GALNTL6: variants seen among roughly 807,000 people sequenced by gnomAD.
GALNTL6 encodes the protein polypeptide N-acetylgalactosaminyltransferase like 6, also known as polypeptide N-acetylgalactosaminyltransferase-like 6.
In GALNTL6, 46 loss-of-function variants were observed where a neutral mutation model predicts 73.7. The ratio of observed to expected loss-of-function variants is 0.62; its 90% confidence interval spans 0.49 to 0.80. GALNTL6 has a LOEUF of 0.80. Ranked by LOEUF, GALNTL6 falls within the 30% of genes least tolerant of loss-of-function variation. The pLI, the probability that GALNTL6 is intolerant of heterozygous loss-of-function variation, is 0.00. For synonymous variants in GALNTL6, 259 were observed against 263.7 expected (o/e 0.98, Z 0.17); for missense variants, 604 against 755.0 (o/e 0.80, Z 2.34).
At chr4:171,916,252 T>C (rs917786677) in intron 2 of GALNTL6, among the ~76,000 whole-genome samples, 2 of 152,010 alleles carry the variant, frequency 1.3e-5, no homozygotes, top group Non-Finnish European at 2.9e-5. Flanking sequence ...AGAAAAGAGA[T>C]GCTGAAAAAA....
At chr4:172,098,523 A>G (rs1426309178) in intron 2 of GALNTL6, among the ~76,000 whole-genome samples, 3 of 152,118 alleles carry the variant, frequency 2.0e-5, no homozygotes, top group Admixed American at 2.0e-4. Flanking sequence ...TTTATCTGAT[A>G]TGAGTTCTCT....
intron 2 of GALNTL6, among the ~76,000 whole-genome samples, chr4:172,119,346 A>T (rs1422451257): frequency 1.3e-5 from 2 of 152,158 alleles, no homozygotes; most frequent in Non-Finnish European, 2.9e-5. Context: ...ATTCTAACAC[A>T]TTTGAAAAAA....
At chr4:172,064,484 T>C (rs1579102302) in intron 2 of GALNTL6, among the ~76,000 whole-genome samples, 1 of 152,342 alleles carries the variant, frequency 6.6e-6, no homozygotes, top group East Asian at 1.9e-4. Context: ...TGTGTCACAC[T>C]TCTGAGACGT....
intron 9 of GALNTL6, among the ~76,000 whole-genome samples, 171 bp from the exon 10 acceptor site, chr4:172,951,866 A>G (rs1749459307): frequency 6.6e-6 from 1 of 152,240 alleles, no homozygotes; most frequent in South Asian, 2.1e-4. Flanking sequence ...CAGGCTAATT[A>G]TATCATACCC....
intron 5 of GALNTL6, among the ~76,000 whole-genome samples, chr4:172,534,850 GC>G (rs1735289887): frequency 6.6e-6 from 1 of 152,160 alleles, no homozygotes; most frequent in African/African-American, 2.4e-5. Flanking sequence ...ACAGGCGTGA[GC>G]CACCGTGCCT....
chr4:171,864,028 C>T lies in GALNTL6; in HGVS notation c.138+49310C>T, dbSNP rs147257095. ...CCACCTGCCTCGGCCTCCCAAAGTG[C>T]TGGGATTACAGGCGTGAGCCATGGC... On this transcript the variant is annotated intron_variant, in intron 2 of 12. Coordinates refer to ENST00000506823, the MANE Select transcript of GALNTL6 (RefSeq NM_001034845.3). 7.9e-3 allele frequency among the ~76,000 whole-genome samples: 1,198 copies of T among 152,258 alleles called. 22 individuals carry two copies. The highest frequency in any genetic ancestry group is 0.027 in the African/African-American group (1,128 of 41,556).
chr4:172,684,365 A>C (rs1220339269), intron 5 of GALNTL6, among the ~76,000 whole-genome samples: 1 of 152,208 alleles, frequency 6.6e-6, no homozygotes, highest in Non-Finnish European at 1.5e-5. Context: ...CCCTATATGC[A>C]GGCCTAACTT....
chr4:172,259,315 G>A (rs1280704124), intron 3 of GALNTL6, among the ~76,000 whole-genome samples: 1 of 151,346 alleles, frequency 6.6e-6, no homozygotes, highest in African/African-American at 2.4e-5. Flanking sequence ...GGAGTAAAGT[G>A]TTATGTCATT....
rs548013016 is a variant in GALNTL6 at position 172,561,578 on chromosome 4, G to T, written c.553+212889G>T. 1.0e-3 allele frequency among the ~76,000 whole-genome samples: 156 copies of T among 152,212 alleles called. 1 individual carries two copies. The highest frequency in any genetic ancestry group is 3.6e-3 in the African/African-American group (150 of 41,542). On this transcript the variant is annotated intron_variant, in intron 5 of 12. Transcript: ENST00000506823. ...CCACCCCAAGTCTTCTAGCTAATTT[G>T]GGCCACCTCTCCAGACAGCCTGGCT... is the stretch of plus-strand genomic sequence containing the variant.
intron 5 of GALNTL6, among the ~76,000 whole-genome samples, chr4:172,539,053 T>C (rs1048108145): frequency 6.6e-6 from 1 of 152,192 alleles, no homozygotes; most frequent in African/African-American, 2.4e-5. Context: ...TAAAATAATA[T>C]GATGGAAGAA....
chr4:172,085,081 A>T (rs1400469210), intron 2 of GALNTL6, among the ~76,000 whole-genome samples: 1 of 152,208 alleles, frequency 6.6e-6, no homozygotes, highest in Non-Finnish European at 1.5e-5. Flanking sequence ...GCAAAAAATA[A>T]TACATATAAA....
intron 2 of GALNTL6, among the ~76,000 whole-genome samples, chr4:172,034,959 C>A (rs1322415465): frequency 6.6e-6 from 1 of 152,020 alleles, no homozygotes; most frequent in African/African-American, 2.4e-5. Context: ...ATGTACAATT[C>A]CTAAACTCCT....
At position 172,833,479 on chromosome 4, in the gene GALNTL6, T is replaced by C. The variant is rs546181140; in HGVS notation, c.923+19756T>C. Reference sequence around the variant, plus strand: ...ACTGGAATAGGTGAAATCTGCCTACTTCACCCCTCCATAGCTCCAATAAGC... The same window carrying C: ...ACTGGAATAGGTGAAATCTGCCTACCTCACCCCTCCATAGCTCCAATAAGC... On this transcript the variant is annotated intron_variant, in intron 7 of 12. Coordinates refer to ENST00000506823, the MANE Select transcript of GALNTL6 (RefSeq NM_001034845.3). Among the ~76,000 whole-genome samples the C allele has an allele frequency of 7.2e-5, 11 of 152,254 alleles. No individual in the cohort carries two copies. In the South Asian group the frequency reaches 2.3e-3, roughly 32 times the overall value.
chr4:172,702,410 C>A (rs1178693991), intron 5 of GALNTL6, among the ~76,000 whole-genome samples: 1 of 151,918 alleles, frequency 6.6e-6, no homozygotes, highest in Non-Finnish European at 1.5e-5. Context: ...TTTTAATATT[C>A]TTCCTTAATG....
intron 2 of GALNTL6, among the ~76,000 whole-genome samples, chr4:171,822,877 A>T (rs1224297883): frequency 3.9e-5 from 6 of 152,222 alleles, no homozygotes; most frequent in African/African-American, 1.2e-4. Context: ...TAGAAGAGGT[A>T]AAAAATATGT....
intron 5 of GALNTL6, among the ~76,000 whole-genome samples, chr4:172,359,614 T>C (rs1742293739): frequency 6.6e-6 from 1 of 152,154 alleles, no homozygotes; most frequent in Non-Finnish European, 1.5e-5. Context: ...ACTGGAGGTA[T>C]GAATTTCAAG....
At chr4:173,018,735 C>T (rs1230751220) in intron 11 of GALNTL6, among the ~76,000 whole-genome samples, 1 of 152,208 alleles carries the variant, frequency 6.6e-6, no homozygotes, top group Non-Finnish European at 1.5e-5. Context: ...AATACACAGC[C>T]TGGTTTGTGT....
chr4:172,204,695 A>G (rs536388428), intron 2 of GALNTL6, among the ~76,000 whole-genome samples: 1 of 152,294 alleles, frequency 6.6e-6, no homozygotes, highest in South Asian at 2.1e-4. Flanking sequence ...GGTAAAATTT[A>G]TGAACCCTTT....
Position 171,814,413 on chromosome 4 carries a change from T to C in GALNTL6, c.-168T>C, listed in dbSNP as rs1321480430. 1.5e-6 allele frequency: 1 copy of C among 645,372 alleles called. No individual in the cohort carries two copies. The allele number at this position is 645,372 out of a possible 1,614,324, so 40.0% of individuals were successfully genotyped here. A position where few individuals can be genotyped will look rare whatever the true frequency, so the allele number is the denominator to read the frequency against. On this transcript the variant is annotated splice_region_variant and 5_prime_UTR_variant, in exon 2 of 13. An upstream start codon of the reference 5' UTR is lost. Transcript: ENST00000506823. ...AGTAACTGTGCGTTTGTTCTGCAGA[T>C]GGCCAACTCCCTCTGAATCCTGCAG...
Sources: allele counts gnomAD v4.1 joint callset (sites outside exome capture counted in the v4.1 genomes callset), GRCh38; gene constraint gnomAD v4.1.1; transcripts MANE v1.5; gene names NCBI Gene and HGNC (gene_info 2026-07-23, HGNC 2026-07-21).